ALDH1L1: variants seen among roughly 807,000 people sequenced by gnomAD.
ALDH1L1 encodes the protein cytosolic 10-formyltetrahydrofolate dehydrogenase.
A neutral mutation model predicts 101.1 loss-of-function variants in ALDH1L1; 68 were observed. The ratio of observed to expected loss-of-function variants is 0.67; its 90% CI spans 0.55 to 0.82. The LOEUF is 0.82. ALDH1L1 is among the 40% of genes least tolerant of loss of function. ALDH1L1 has a pLI of 0.00. For missense variants in ALDH1L1, 1,087 were observed against 1,172.7 expected (o/e 0.93, Z 1.07); for synonymous variants, 486 against 470.8 (o/e 1.03, Z -0.42).
At chr3:126,148,770 G>A (rs1037278834) in intron 8 of ALDH1L1, among the ~76,000 whole-genome samples, 5 of 152,196 alleles carry the variant, frequency 3.3e-5, no homozygotes, top group African/African-American at 1.2e-4. Context: ...CTCTGAATGT[G>A]CACGGTGAAC....
intron 17 of ALDH1L1, among the ~76,000 whole-genome samples, chr3:126,116,709 T>C (rs1407433719): frequency 6.6e-6 from 1 of 152,216 alleles, no homozygotes; most frequent in African/African-American, 2.4e-5. Context: ...GTGTCAGGGC[T>C]GGGGCAGGCT....
chr3:126,150,596 C>T (rs2080790297), intron 7 of ALDH1L1, 65 bp from the exon 8 acceptor site: 1 of 1,496,066 alleles, frequency 6.7e-7, no homozygotes, highest in Non-Finnish European at 9.0e-7. Context: ...GCTCTGTTGC[C>T]CAGGCTGGAG....
chr3:126,107,929 C>T (rs1398882918), intron 20 of ALDH1L1: 1 of 152,180 alleles, frequency 6.6e-6, no homozygotes, highest in Non-Finnish European at 1.5e-5. Context: ...TCCTGCCTGA[C>T]CTCACTGAGA....
At chr3:126,136,496 G>A (rs1324914132) in intron 11 of ALDH1L1, among the ~76,000 whole-genome samples, 1 of 152,048 alleles carries the variant, frequency 6.6e-6, no homozygotes, top group African/African-American at 2.4e-5. Context: ...TTTCTTCCTT[G>A]GGGTAGGAGG....
In ALDH1L1 at chr3:126,158,383, CTG is replaced by C. The variant is rs2080960899; in HGVS notation, c.362+20_362+21del. The C allele has an allele frequency of 6.5e-7, 1 of 1,539,986 alleles. No individual in the cohort carries two copies. Among genetic ancestry groups the C allele is most frequent in the Non-Finnish European group, 8.8e-7 (1 of 1,132,218 alleles). ...GAGGGACATGTATGGGGATGGCCCC[CTG>C]TGTTTTTGCCCCATCTCACCAGTTG... On this transcript the variant is annotated intron_variant, in intron 3 of 22. Coordinates refer to ENST00000393434, the MANE Select transcript of ALDH1L1 (RefSeq NM_012190.4).
In ALDH1L1 at chr3:126,135,562, G is replaced by A. The variant is rs781455179; in HGVS notation, c.1445C>T (p.Ala482Val). 1.0e-5 allele frequency: 16 copies of A among 1,606,842 alleles called. No homozygotes were observed. The highest frequency in any genetic ancestry group is 3.3e-5 in the South Asian group (3 of 89,744). Residue 482 changes from alanine to valine, a missense_variant, in exon 12 of 23, where the codon GCG becomes GTG. By Grantham distance (64) the Ala-to-Val change is moderately conservative. Around this residue, in one of 2 missense-constraint regions of ALDH1L1, gnomAD observed 645 missense variants for 637.0 expected, o/e 1.01. Transcript: ENST00000393434. ...FENGRWGKIS[A>V]RDRGRLMYRL... ...GTACATCAGCCGGCCCCGGTCCCGC[G>A]CACTGATCTTCCCCCACCGTCCATT...
intron 1 of ALDH1L1, among the ~76,000 whole-genome samples, chr3:126,164,513 C>T (rs752029917): frequency 2.8e-4 from 43 of 152,182 alleles, no homozygotes; most frequent in South Asian, 4.1e-4. Flanking sequence ...CTTAGGATTA[C>T]GGCCTCTAGT....
At chr3:126,179,471 G>C (rs2081428834) in intron 1 of ALDH1L1, among the ~76,000 whole-genome samples, 1 of 151,656 alleles carries the variant, frequency 6.6e-6, no homozygotes, top group South Asian at 2.1e-4. Context: ...CTGCACTCCA[G>C]CCTGGGCGAC....
intron 1 of ALDH1L1, among the ~76,000 whole-genome samples, chr3:126,170,036 C>G (rs1413152094): frequency 6.6e-6 from 1 of 152,008 alleles, no homozygotes; most frequent in Non-Finnish European, 1.5e-5. Flanking sequence ...CAACCCCTAA[C>G]AGTCCAAAAA....
In ALDH1L1 at chr3:126,155,394, G is replaced by C. The variant is rs1166784697; in HGVS notation, c.630+8C>G. On this transcript the variant is annotated splice_region_variant and intron_variant, in intron 5 of 22. Transcript: ENST00000393434. ...CAGGATGAGGGTGTGGAGGGACCCA[G>C]CACTCACCTTGGCTGTCTCCTTCTT... The C allele has an allele frequency of 1.2e-6, 2 of 1,611,388 alleles. No individual in the cohort carries two copies. Among genetic ancestry groups the C allele is most frequent in the East Asian group, 4.5e-5 (2 of 44,808 alleles).
chr3:126,118,527 C>T (rs1025963708), intron 16 of ALDH1L1, among the ~76,000 whole-genome samples: 1 of 152,112 alleles, frequency 6.6e-6, no homozygotes, highest in Non-Finnish European at 1.5e-5. Flanking sequence ...CTGCTGACAC[C>T]CTGATCTTGG....
upstream of ALDH1L1, chr3:126,181,011 G>A (rs993036281): frequency 3.7e-6 from 6 of 1,604,070 alleles, no homozygotes; most frequent in Middle Eastern, 3.3e-4. Flanking sequence ...CTGCCCTCCG[G>A]GAATTTGCAG....
intron 3 of ALDH1L1, among the ~76,000 whole-genome samples, 189 bp downstream of exon 3, chr3:126,158,216 T>C (rs1264338896): frequency 6.6e-6 from 1 of 152,228 alleles, no homozygotes; most frequent in Non-Finnish European, 1.5e-5. Flanking sequence ...CCCAGTGCTC[T>C]AGAGCCTTCA....
intron 1 of ALDH1L1, among the ~76,000 whole-genome samples, chr3:126,172,061 A>C (rs2081287715): frequency 6.6e-6 from 1 of 152,258 alleles, no homozygotes; most frequent in African/African-American, 2.4e-5. Flanking sequence ...TGATACCCAC[A>C]GCTATAGCAA....
At chr3:126,122,120 G>A (rs553195393) in intron 16 of ALDH1L1, among the ~76,000 whole-genome samples, 15 of 152,276 alleles carry the variant, frequency 9.9e-5, no homozygotes, top group Non-Finnish European at 1.9e-4. Context: ...GGCAAATAAG[G>A]ATATTGCCAG....
intron 22 of ALDH1L1, 129 bp downstream of exon 22, chr3:126,105,597 G>C: frequency 9.1e-7 from 1 of 1,093,234 alleles, no homozygotes. Flanking sequence ...AGTAAGAAGC[G>C]AACCCTGACA....
intron 17 of ALDH1L1, among the ~76,000 whole-genome samples, chr3:126,116,261 T>TTTAG (rs2079970360): frequency 6.6e-6 from 1 of 151,936 alleles, no homozygotes; most frequent in South Asian, 2.1e-4. Context: ...TATTTATTTA[T>TTTAG]TTGAGCCAGG....
At chr3:126,139,274 T>C (rs924576057) in intron 9 of ALDH1L1, among the ~76,000 whole-genome samples, 1 of 152,240 alleles carries the variant, frequency 6.6e-6, no homozygotes, top group Non-Finnish European at 1.5e-5. Context: ...TGGAAATCTT[T>C]GTTAGGTCAC....
At chr3:126,177,042 A>C (rs550204306) in intron 1 of ALDH1L1, among the ~76,000 whole-genome samples, 11 of 152,368 alleles carry the variant, frequency 7.2e-5, no homozygotes, top group African/African-American at 2.6e-4. Context: ...AGTTAAATTA[A>C]GAGCACTGAC....
Sources: gnomAD v4.1 joint callset for allele counts (sites outside exome capture counted in the v4.1 genomes callset) on GRCh38, gnomAD v4.1.1 for gene constraint, gnomAD v4.1.1 regional missense constraint, MANE v1.5 for transcripts, NCBI Gene and HGNC (gene_info 2026-07-23, HGNC 2026-07-21) for gene names.